The following IL31RA variants were observed in gnomAD, a reference collection of about 807,000 sequenced individuals.
IL31RA encodes the protein interleukin 31 receptor A, also known as interleukin-31 receptor subunit alpha.
Under a neutral mutation model 83.7 loss-of-function variants are expected in IL31RA, and 66 were observed. That is an observed-to-expected ratio of 0.79 (90% confidence interval 0.65 to 0.97). The LOEUF is 0.97. Ranked by LOEUF, IL31RA falls within the 50% of genes least tolerant of loss-of-function variation. The pLI, the probability that IL31RA is intolerant of heterozygous loss-of-function variation, is 0.00. For synonymous variants in IL31RA, 325 were observed against 329.0 expected, an observed-to-expected ratio of 0.99 and a Z score of 0.13; for missense variants, 798 against 919.4, an observed-to-expected ratio of 0.87 and a Z score of 1.71.
rs1746333541 is a variant in IL31RA at position 55,868,734 on chromosome 5, T to C, written c.155-57T>C. 3 of 991,626 alleles carry C rather than the reference T, an allele frequency of 3.0e-6. No homozygotes were observed. The East Asian group carries it at 7.1e-5, about 24-fold the overall frequency. 61.4% of individuals were successfully genotyped at this position (991,626 alleles called of 1,614,324 possible). ...CATTAAAAATGTTCAATGCTGGCAA[T>C]ATTTATTGTGTACTGAAATTTTTGT... On this transcript the variant is annotated intron_variant, in intron 2 of 14. Coordinates refer to ENST00000652347, the MANE Select transcript of IL31RA (RefSeq NM_139017.7).
intron 5 of IL31RA, among the ~76,000 whole-genome samples, chr5:55,889,474 C>T (rs1219033631): frequency 1.3e-5 from 2 of 152,228 alleles, no homozygotes; most frequent in East Asian, 3.8e-4. Flanking sequence ...AATCTGTGTT[C>T]TGATCCTATT....
upstream of IL31RA, among the ~76,000 whole-genome samples, chr5:55,848,230 G>T (rs533012542): frequency 6.6e-6 from 1 of 152,248 alleles, no homozygotes; most frequent in South Asian, 2.1e-4. Context: ...CTTAAAGATA[G>T]CAGTATCTAC....
At chr5:55,854,622 G>A (rs537068927) in intron 1 of IL31RA, among the ~76,000 whole-genome samples, 1 of 151,948 alleles carries the variant, frequency 6.6e-6, no homozygotes, top group Admixed American at 6.6e-5. Flanking sequence ...GCAGGCACCT[G>A]TAGTCCCAGC....
chr5:55,844,051 C>A, the IL31RA span, among the ~76,000 whole-genome samples: 1 of 151,748 alleles, frequency 6.6e-6, no homozygotes, highest in African/African-American at 2.4e-5. Context: ...GGTACATGTG[C>A]CAGTTTGTTA....
intron 3 of IL31RA, among the ~76,000 whole-genome samples, chr5:55,869,632 C>A (rs1746390930): frequency 1.3e-5 from 2 of 152,098 alleles, no homozygotes; most frequent in South Asian, 2.1e-4. Flanking sequence ...CACCACCATA[C>A]CTGGCCAACT....
rs1413020224 is a variant in IL31RA, at chr5:55,855,665, T to C, written c.64-3844T>C. Reference sequence around the variant, plus strand: ...GGGAGTAAAACAGCCACACTCTATTTCCTTTGCTTTGGTCCTGTGAGACAG... The same window carrying C: ...GGGAGTAAAACAGCCACACTCTATTCCCTTTGCTTTGGTCCTGTGAGACAG... On this transcript the variant is annotated intron_variant, in intron 1 of 14. Coordinates refer to ENST00000652347, the MANE Select transcript of IL31RA (RefSeq NM_139017.7). Among the ~76,000 whole-genome samples, 5 of 152,296 alleles carry C rather than the reference T, an allele frequency of 3.3e-5. No individual in the cohort carries two copies. In the East Asian group the frequency reaches 9.6e-4, roughly 29 times the overall value.
At chr5:55,907,611 C>T in intron 10 of IL31RA, 151 bp downstream of exon 10, 1 of 682,772 alleles carries the variant, frequency 1.5e-6, no homozygotes, top group South Asian at 1.6e-5. Context: ...TATGAATTTG[C>T]TGAATTCTGA....
intron 8 of IL31RA, among the ~76,000 whole-genome samples, chr5:55,904,700 A>G (rs1336674277): frequency 6.6e-6 from 1 of 152,208 alleles, no homozygotes; most frequent in East Asian, 1.9e-4. Flanking sequence ...GTGGCTTACA[A>G]GAACAAGACT....
chr5:55,890,225 G>A, intron 6 of IL31RA, 90 bp downstream of exon 6: 5 of 1,298,674 alleles, frequency 3.9e-6, no homozygotes, highest in Non-Finnish European at 5.5e-6. Context: ...CACCTGGTTG[G>A]GAATCATGGA....
intron 5 of IL31RA, among the ~76,000 whole-genome samples, chr5:55,886,572 C>T (rs1395558317): frequency 2.6e-5 from 4 of 152,152 alleles, no homozygotes; most frequent in Non-Finnish European, 5.9e-5. Context: ...CCATGCCTGG[C>T]CTTCTCCTTA....
At position 55,896,445 on chromosome 5, in the gene IL31RA, A is replaced by G. The variant is rs760900780; in HGVS notation, c.852+16A>G. 4 of 1,568,998 alleles carry G rather than the reference A, an allele frequency of 2.5e-6. No individual in the cohort carries two copies. The highest frequency in any genetic ancestry group is 1.1e-5 in the South Asian group (1 of 90,152). On this transcript the variant is annotated intron_variant, in intron 7 of 14. Coordinates refer to ENST00000652347, the MANE Select transcript of IL31RA (RefSeq NM_139017.7). Reference sequence around the variant, plus strand: ...GTTATGGAAGGTGACCTCCCTCTGGATTCTTTTTCTCTCTCTTTCTTCCCC... The same window carrying G: ...GTTATGGAAGGTGACCTCCCTCTGGGTTCTTTTTCTCTCTCTTTCTTCCCC...
chr5:55,867,121 G>GCA (rs1453081104), intron 2 of IL31RA, among the ~76,000 whole-genome samples: 24 of 133,446 alleles, frequency 1.8e-4, no homozygotes, highest in African/African-American at 6.6e-4. Flanking sequence ...GCATGTGTGT[G>GCA]TTTGTGTGTG....
chr5:55,883,312 A>C, intron 5 of IL31RA, 117 bp downstream of exon 5: 2 of 971,844 alleles, frequency 2.1e-6, no homozygotes, highest in South Asian at 2.8e-5. Flanking sequence ...TAGAAGAGAG[A>C]CATTGCTAAG....
At position 55,917,985 on chromosome 5, in the gene IL31RA, G is replaced by A. The variant is rs1021924547; in HGVS notation, c.*865G>A. ...ATGCTTACTTAAAAGGCCTCTTCCC[G>A]GAAGCAGCAGGGCAGGGCCTGGGAA... On this transcript the variant is annotated 3_prime_UTR_variant, in exon 15 of 15. Coordinates refer to ENST00000652347, the MANE Select transcript of IL31RA (RefSeq NM_139017.7). Among the ~76,000 whole-genome samples, 6 of 152,220 alleles carry A rather than the reference G, an allele frequency of 3.9e-5. No individual in the cohort carries two copies. Among genetic ancestry groups the A allele is most frequent in the African/African-American group, 1.4e-4 (6 of 41,462 alleles).
chr5:55,889,834 A>G (rs1040008322), intron 5 of IL31RA, 136 bp from the exon 6 acceptor site: 16 of 794,362 alleles, frequency 2.0e-5, no homozygotes, highest in Non-Finnish European at 3.2e-5. Context: ...GTCTGTTAAT[A>G]AAAATGATAT....
chr5:55,860,781 G>A lies in IL31RA; in HGVS notation c.154+1182G>A, dbSNP rs74697500. Among the ~76,000 whole-genome samples, 950 of 152,292 alleles carry A rather than the reference G, an allele frequency of 6.2e-3. 3 individuals are homozygous for A. Among genetic ancestry groups the A allele is most frequent in the Non-Finnish European group, 9.6e-3 (655 of 68,036 alleles). On this transcript the variant is annotated intron_variant, in intron 2 of 14. Coordinates refer to ENST00000652347, the MANE Select transcript of IL31RA (RefSeq NM_139017.7). ...CTGGTAGTGGGAAGGTGGGGAAGGC[G>A]TCATGTAGCGTATTCGTGTGCTTGG...
chr5:55,915,499 G>C (rs1385139582), intron 14 of IL31RA, among the ~76,000 whole-genome samples: 1 of 152,126 alleles, frequency 6.6e-6, no homozygotes, highest in Non-Finnish European at 1.5e-5. Context: ...AAAACCGTTA[G>C]GGAAATTTTA....
At position 55,920,969 on chromosome 5, in the gene IL31RA, G is replaced by GCTA. The variant is rs1580757148; in HGVS notation, c.*3849_*3850insCTA. Among the ~76,000 whole-genome samples the GCTA allele has an allele frequency of 1.3e-5, 2 of 152,098 alleles. No homozygotes were observed. The highest frequency in any genetic ancestry group is 3.8e-4 in the East Asian group (2 of 5,198). ...TGGGAAGGTGCTACTGGCATCTAGT[G>GCTA]GGTAGAGGCCGGCAATGCTGGAAAT... On this transcript the variant is annotated 3_prime_UTR_variant, in exon 15 of 15. Transcript: ENST00000652347.
At chr5:55,900,966 T>G (rs1366178823) in intron 8 of IL31RA, among the ~76,000 whole-genome samples, 1 of 152,190 alleles carries the variant, frequency 6.6e-6, no homozygotes, top group Non-Finnish European at 1.5e-5. Flanking sequence ...TAACTATTTG[T>G]GGAAACATAT....
Sources: allele counts gnomAD v4.1 joint callset (sites outside exome capture counted in the v4.1 genomes callset), GRCh38; gene constraint gnomAD v4.1.1; transcripts MANE v1.5; gene names NCBI Gene and HGNC (gene_info 2026-07-23, HGNC 2026-07-21).